The following EMSY variants were observed in gnomAD, a reference collection of about 807,000 sequenced individuals.
EMSY encodes the protein BRCA2-interacting transcriptional repressor EMSY.
A neutral mutation model predicts 134.6 loss-of-function variants in EMSY; 26 were observed. The observed-to-expected ratio is 0.19, with a 90% confidence interval of 0.14 to 0.27. The LOEUF is 0.27. EMSY is among the 10% of genes least tolerant of loss of function. The probability of loss-of-function intolerance (pLI) is 1.00; values close to 1 mark genes in which losing one functional copy is unlikely to be tolerated. For synonymous variants in EMSY, 579 were observed against 577.8 expected (o/e 1.00, Z -0.03); for missense variants, 1,305 against 1,611.4 (o/e 0.81, Z 3.26).
intron 2 of EMSY, among the ~76,000 whole-genome samples, chr11:76,450,150 C>A (rs1947598271): frequency 6.6e-6 from 1 of 150,756 alleles, no homozygotes; most frequent in Admixed American, 6.6e-5. Flanking sequence ...TTCTCTTCTG[C>A]ACTTAACTCC....
At chr11:76,497,050 G>C (rs1409524937) in intron 9 of EMSY, 1 of 155,488 alleles carries the variant, frequency 6.4e-6, no homozygotes, top group Admixed American at 6.4e-5. Context: ...CTCTTTATCA[G>C]GTAGACGGAG....
chr11:76,546,044 C>T (rs1347469603), exon 20 of EMSY: 1 of 1,614,058 alleles, frequency 6.2e-7, no homozygotes, highest in Non-Finnish European at 8.5e-7. Flanking sequence ...CCAAAGAAGG[C>T]TCTTGCCACT....
At chr11:76,503,417 T>C (rs746919995) in intron 9 of EMSY, among the ~76,000 whole-genome samples, 3 of 150,318 alleles carry the variant, frequency 2.0e-5, no homozygotes, top group Non-Finnish European at 4.4e-5. Flanking sequence ...ATAAGACATA[T>C]AGATCAATGG....
At chr11:76,516,077 T>C in intron 10 of EMSY, 65 bp from the exon 12 acceptor site, 1 of 1,354,738 alleles carries the variant, frequency 7.4e-7, no homozygotes, top group Non-Finnish European at 1.0e-6. Context: ...ACAGTTAAAC[T>C]GTATTAATTA....
chr11:76,445,748 A>T (rs1947357648), intron 1 of EMSY, among the ~76,000 whole-genome samples: 1 of 152,142 alleles, frequency 6.6e-6, no homozygotes, highest in South Asian at 2.1e-4. Context: ...CGGTTCGAGC[A>T]GTCGCCGGCC....
rs545418649 is a variant in EMSY, at chr11:76,493,595, A to G, written c.1109-2620A>G. Among the ~76,000 whole-genome samples the G allele has an allele frequency of 7.9e-5, 12 of 152,264 alleles. No homozygotes were observed. The East Asian group carries it at 1.9e-3, about 25-fold the overall frequency. On this transcript the variant is annotated intron_variant, in intron 8 of 20. Transcript: ENST00000334736. ...AAACCCCTGACACAGCCAGACTCCAACAGACGTGGGGAAGATCTGCCTGTG... is the reference window on the plus strand; with the variant it reads ...AAACCCCTGACACAGCCAGACTCCAGCAGACGTGGGGAAGATCTGCCTGTG...
In EMSY at chr11:76,453,394, C is replaced by A; in HGVS notation, c.245+6C>A. 6.2e-7 allele frequency: 1 copy of A among 1,611,212 alleles called. No individual in the cohort carries two copies. Among genetic ancestry groups the A allele is most frequent in the Non-Finnish European group, 8.5e-7 (1 of 1,178,180 alleles). On this transcript the variant is annotated splice_donor_region_variant and intron_variant, in intron 4 of 20. Transcript: ENST00000334736. ...TTAACAACAATTGCACATAAGTAAG[C>A]CATTAGTCGTACCATCCCTGATTTT...
chr11:76,478,124 A>G (rs1186221407), intron 8 of EMSY, among the ~76,000 whole-genome samples: 8 of 152,132 alleles, frequency 5.3e-5, no homozygotes, highest in Admixed American at 1.3e-4. Flanking sequence ...TTCCCATTTC[A>G]CAAAATACCT....
At chr11:76,536,832 G>T (rs569103984) in intron 15 of EMSY, among the ~76,000 whole-genome samples, 1 of 152,110 alleles carries the variant, frequency 6.6e-6, no homozygotes, top group Non-Finnish European at 1.5e-5. Context: ...TCATCTTTTG[G>T]TTCCTAGTTC....
intron 4 of EMSY, 45 bp from the exon 5 acceptor site, chr11:76,454,704 G>T (rs1482403872): frequency 7.7e-7 from 1 of 1,294,396 alleles, no homozygotes; most frequent in Non-Finnish European, 1.1e-6. Flanking sequence ...CATACTTAAA[G>T]GATAACATTT....
intron 9 of EMSY, among the ~76,000 whole-genome samples, chr11:76,511,593 G>A (rs545091640): frequency 3.3e-5 from 5 of 152,178 alleles, no homozygotes; most frequent in East Asian, 3.9e-4. Context: ...CCACCTACTC[G>A]GGAGGCTGAG....
intron 8 of EMSY, among the ~76,000 whole-genome samples, chr11:76,473,406 A>T (rs1453769198): frequency 2.0e-5 from 3 of 151,740 alleles, no homozygotes; most frequent in Non-Finnish European, 4.4e-5. Flanking sequence ...TCCCGGGCTT[A>T]AGTGATCCTC....
At chr11:76,489,856 C>T (rs868632620) in intron 8 of EMSY, among the ~76,000 whole-genome samples, 2 of 152,104 alleles carry the variant, frequency 1.3e-5, no homozygotes, top group Admixed American at 6.6e-5. Context: ...CCATCCACCT[C>T]GGCCTCCCAA....
intron 6 of EMSY, among the ~76,000 whole-genome samples, chr11:76,463,485 C>T (rs1412692889): frequency 1.3e-5 from 2 of 151,770 alleles, no homozygotes; most frequent in South Asian, 2.1e-4. Context: ...TAGCCGGGCG[C>T]GGTGGCGGGT....
At chr11:76,463,323 AAAAG>A (rs145801298) in intron 6 of EMSY, among the ~76,000 whole-genome samples, 2,547 of 147,220 alleles carry the variant, frequency 0.017, 49 homozygotes, top group East Asian at 0.097. Flanking sequence ...ACTTTGTCTT[AAAAG>A]AAAGGAGGGA....
chr11:76,542,131 C>G (rs769088836), intron 17 of EMSY, 85 bp from the exon 19 acceptor site: 10 of 1,501,798 alleles, frequency 6.7e-6, no homozygotes. Context: ...GTGATACAAG[C>G]TCACAGACAT....
exon 7 of EMSY, chr11:76,464,047 A>G (rs766096920): frequency 3.7e-6 from 6 of 1,614,204 alleles, no homozygotes; most frequent in Admixed American, 1.7e-5. Context: ...TCACTAAACC[A>G]TCAACACAGA....
intron 20 of EMSY, chr11:76,546,956 AT>A (rs2136856898): frequency 2.5e-6 from 1 of 395,136 alleles, no homozygotes; most frequent in South Asian, 1.9e-5. Flanking sequence ...ACACAATAGA[AT>A]TATTCATTGA....
intron 1 of EMSY, among the ~76,000 whole-genome samples, chr11:76,446,685 C>T (rs1947426518): frequency 6.6e-6 from 1 of 152,214 alleles, no homozygotes; most frequent in African/African-American, 2.4e-5. Flanking sequence ...CTAGAGGTGT[C>T]TGGCTCTAAA....
Sources: allele counts gnomAD v4.1 joint callset (sites outside exome capture counted in the v4.1 genomes callset), GRCh38; gene constraint gnomAD v4.1.1; transcripts MANE v1.5; gene names NCBI Gene and HGNC (gene_info 2026-07-23, HGNC 2026-07-21).